The following IARS2 variants were observed in gnomAD, a reference collection of about 807,000 sequenced individuals.
IARS2 encodes isoleucyl-tRNA synthetase 2, mitochondrial.
In IARS2, 56 loss-of-function variants were observed where a neutral mutation model predicts 126.3. That is an observed-to-expected ratio of 0.44 (90% CI 0.36 to 0.55). The LOEUF (loss-of-function observed/expected upper bound fraction) is 0.55. Ranked by LOEUF, IARS2 falls within the 20% of genes least tolerant of loss-of-function variation. The pLI is 0.00. For missense variants in IARS2, 1,127 were observed against 1,245.9 expected (o/e 0.90, Z 1.44); for synonymous variants, 407 against 441.1 (o/e 0.92, Z 0.97).
Position 220,096,139 on chromosome 1 carries a change from A to G in IARS2, c.303A>G (p.Arg101=). The change falls in exon 2 of 23, where the codon AGA becomes AGG. Residue 101 remains arginine (R), a synonymous_variant. Coordinates refer to ENST00000366922, the MANE Select transcript of IARS2 (RefSeq NM_018060.4). ...CGFSELYSWQ[R]ERKVKTEFCL... ...TTTCAGAACTTTATTCATGGCAAAG[A>G]GAAAGAAAAGTAAAGACAGAATTTT... 1 of 1,526,120 alleles carries G rather than the reference A, an allele frequency of 6.6e-7. No homozygotes were observed. The highest frequency in any genetic ancestry group is 9.1e-7 in the Non-Finnish European group (1 of 1,104,840). 94.5% of individuals were successfully genotyped at this position (1,526,120 alleles called of 1,614,324 possible).
intron 14 of IARS2, among the ~76,000 whole-genome samples, chr1:220,130,071 A>G (rs1280713696): frequency 6.6e-6 from 1 of 152,216 alleles, no homozygotes; most frequent in East Asian, 1.9e-4. Flanking sequence ...GTAAGATGAT[A>G]TATCACTGTG....
chr1:220,101,900 C>A (rs575610371), intron 3 of IARS2, among the ~76,000 whole-genome samples: 1 of 152,248 alleles, frequency 6.6e-6, no homozygotes, highest in African/African-American at 2.4e-5. Context: ...ACTCAGGAGG[C>A]TGAGGCAGGA....
Position 220,094,154 on chromosome 1 carries a change from G to T in IARS2, c.-63G>T. The T allele has an allele frequency of 1.4e-6, 2 of 1,444,046 alleles. No homozygotes were observed. The highest frequency in any genetic ancestry group is 2.6e-5 in the Admixed American group (1 of 38,748). 89.5% of individuals were successfully genotyped at this position (1,444,046 alleles called of 1,614,324 possible). A position where few individuals can be genotyped will look rare whatever the true frequency, so the allele number is the denominator to read the frequency against. ...CTTACTCGGCTCCCCTTGGTTTCCT[G>T]GGGTCCTGCCCCTTCAAGCTGGGGC... On this transcript the variant is annotated 5_prime_UTR_variant, in exon 1 of 23. Coordinates refer to ENST00000366922, the MANE Select transcript of IARS2 (RefSeq NM_018060.4).
rs149528664 is a variant in IARS2, at chr1:220,147,545, G to T, written c.2949G>T (p.Thr983=). 6.2e-7 allele frequency: 1 copy of T among 1,614,108 alleles called. No individual in the cohort carries two copies. The highest frequency in any genetic ancestry group is 1.1e-5 in the South Asian group (1 of 91,080). ...ATAAAGTAATTGTCATGCCGACTACGAAAGAAAAATGCCCCCGTTGTTGGA... is the reference window on the plus strand; with the variant it reads ...ATAAAGTAATTGTCATGCCGACTACTAAAGAAAAATGCCCCCGTTGTTGGA... ...SSYKVIVMPT[T]KEKCPRCWKY... Residue 983 remains threonine (T), a synonymous_variant, in exon 23 of 23, where the codon ACG becomes ACT. Transcript: ENST00000366922.
At position 220,114,488 on chromosome 1, in the gene IARS2, T is replaced by TA. The variant is rs752421576; in HGVS notation, c.1640+18dup. On this transcript the variant is annotated intron_variant, in intron 12 of 22. Transcript: ENST00000366922. Reference sequence around the variant, plus strand: ...CTTGATCAACAGGTAGAATGCTTTCTAAAATTTTTTAGTGTTTTAAAGTGA... The same window carrying TA: ...CTTGATCAACAGGTAGAATGCTTTCTAAAAATTTTTTAGTGTTTTAAAGTGA... 2.5e-5 allele frequency: 39 copies of TA among 1,580,316 alleles called. No individual in the cohort carries two copies. Among genetic ancestry groups the TA allele is most frequent in the Non-Finnish European group, 2.6e-6 (3 of 1,166,596 alleles).
At chr1:220,116,890 G>A (rs1478666981) in intron 12 of IARS2, among the ~76,000 whole-genome samples, 1 of 151,798 alleles carries the variant, frequency 6.6e-6, no homozygotes, top group Admixed American at 6.6e-5. Context: ...GGGACTACAG[G>A]CACGCGCCAC....
At chr1:220,137,342 C>T (rs891165150) in intron 16 of IARS2, among the ~76,000 whole-genome samples, 1 of 152,126 alleles carries the variant, frequency 6.6e-6, no homozygotes, top group Admixed American at 6.6e-5. Flanking sequence ...CTTCAAAATG[C>T]GCATTTCATT....
intron 12 of IARS2, 99 bp from the exon 13 acceptor site, chr1:220,125,138 A>C (rs1048109171): frequency 1.6e-6 from 1 of 639,280 alleles, no homozygotes; most frequent in African/African-American, 1.8e-5. Flanking sequence ...CTAAGGTTTG[A>C]GGAAAAAGGA....
At chr1:220,133,828 T>C (rs1571861175) in intron 14 of IARS2, among the ~76,000 whole-genome samples, 2 of 152,230 alleles carry the variant, frequency 1.3e-5, no homozygotes, top group East Asian at 3.9e-4. Flanking sequence ...TTAGTATATA[T>C]TTCCCCAAAA....
intron 12 of IARS2, among the ~76,000 whole-genome samples, chr1:220,122,095 AAATT>A (rs1490630333): frequency 2.6e-5 from 4 of 152,208 alleles, no homozygotes; most frequent in African/African-American, 9.6e-5. Flanking sequence ...TGTCTCAAAA[AAATT>A]AATTAATTAA....
chr1:220,144,234 G>T, intron 21 of IARS2: 1 of 768,570 alleles, frequency 1.3e-6, no homozygotes, highest in East Asian at 2.4e-5. Flanking sequence ...TCATCATCAC[G>T]GTGAGAAACA....
chr1:220,116,715 A>C (rs72747391), intron 12 of IARS2, among the ~76,000 whole-genome samples: 22,901 of 152,058 alleles, frequency 0.15, 2,201 homozygotes, highest in Admixed American at 0.22. Flanking sequence ...TAATACTTAC[A>C]TTAAGAATTA....
At chr1:220,110,358 C>T (rs1656774596) in intron 10 of IARS2, among the ~76,000 whole-genome samples, 1 of 151,936 alleles carries the variant, frequency 6.6e-6, no homozygotes, top group Non-Finnish European at 1.5e-5. Context: ...CCACGCCCAG[C>T]CAAGTTGACT....
chr1:220,097,189 C>A (rs549661120), intron 2 of IARS2, among the ~76,000 whole-genome samples: 1 of 150,840 alleles, frequency 6.6e-6, no homozygotes, highest in African/African-American at 2.5e-5. Context: ...CTGTAGAGTC[C>A]AGATAGTTTT....
chr1:220,145,060 T>C (rs1657559725), intron 21 of IARS2, among the ~76,000 whole-genome samples: 1 of 151,724 alleles, frequency 6.6e-6, no homozygotes, highest in Non-Finnish European at 1.5e-5. Flanking sequence ...GATAGTATTT[T>C]AGCCCCTCAC....
chr1:220,126,717 T>A (rs1367050226), intron 13 of IARS2, 33 bp from the exon 14 acceptor site: 1 of 1,491,006 alleles, frequency 6.7e-7, no homozygotes, highest in Non-Finnish European at 9.3e-7. Flanking sequence ...GTGATCTTTG[T>A]GTACCTGACA....
intron 20 of IARS2, among the ~76,000 whole-genome samples, chr1:220,142,517 A>G (rs897115257): frequency 5.9e-5 from 9 of 152,144 alleles, no homozygotes; most frequent in Admixed American, 4.6e-4. Context: ...GTTCTGAAAT[A>G]TATTTTAGGT....
chr1:220,142,691 AT>A (rs963837198), intron 20 of IARS2, among the ~76,000 whole-genome samples: 1 of 151,856 alleles, frequency 6.6e-6, no homozygotes, highest in African/African-American at 2.4e-5. Context: ...ATTTCTATTT[AT>A]TTTTTTCTAA....
rs773051028 is a variant in IARS2, at chr1:220,105,918, G to A, written c.1094G>A (p.Ser365Asn). 4 of 1,611,500 alleles carry A rather than the reference G, an allele frequency of 2.5e-6. No homozygotes were observed. In the African/African-American group the frequency reaches 4.0e-5, roughly 16 times the overall value. Residue 365 changes from serine to asparagine, a missense_variant, in exon 9 of 23, where the codon AGT becomes AAT. By Grantham distance (46) the Ser-to-Asn change is conservative. Coordinates refer to ENST00000366922, the MANE Select transcript of IARS2 (RefSeq NM_018060.4). ...SGVDLENGTC[S>N]HPLIPDKASP... The stretch of plus-strand genomic sequence containing the variant: ...GTAGATTTGGAAAATGGTACTTGCA[G>A]TCATCCATTAATTCCTGATAAAGCC...
Sources: allele counts gnomAD v4.1 joint callset (sites outside exome capture counted in the v4.1 genomes callset), GRCh38; gene constraint gnomAD v4.1.1; transcripts MANE v1.5; gene names NCBI Gene and HGNC (gene_info 2026-07-23, HGNC 2026-07-21).